The following ATL1 variants were observed in gnomAD, a reference collection of about 807,000 sequenced individuals.
ATL1 encodes atlastin-1.
Under a neutral mutation model 75.5 loss-of-function variants are expected in ATL1, and 31 were observed. The observed-to-expected ratio is 0.41, with a 90% CI of 0.31 to 0.55. The LOEUF (loss-of-function observed/expected upper bound fraction) is 0.55, where lower values mean the gene tolerates loss of function less well. Among genes scored for constraint, ATL1 ranks in the 20% least tolerant of loss-of-function variants. The pLI is 0.27. For synonymous variants in ATL1, 226 were observed against 233.3 expected (o/e 0.97, Z 0.28); for missense variants, 405 against 662.6 (o/e 0.61, Z 4.27).
In ATL1 at chr14:50,606,167, G is replaced by A. The variant is rs181377558; in HGVS notation, c.631-7092G>A. ...TTTTGGAGTCAGCATTTTATTTTGA[G>A]GCCTCAGTTTATTATTTGAAGCAGC... On this transcript the variant is annotated intron_variant, in intron 6 of 13. Coordinates refer to ENST00000358385, the MANE Select transcript of ATL1 (RefSeq NM_015915.5). Among the ~76,000 whole-genome samples the A allele has an allele frequency of 3.2e-4, 49 of 152,040 alleles. No homozygotes were observed. In the East Asian group the frequency reaches 8.5e-3, roughly 26 times the overall value.
At chr14:50,595,959 C>G (rs1178096257) in intron 6 of ATL1, among the ~76,000 whole-genome samples, 1 of 151,328 alleles carries the variant, frequency 6.6e-6, no homozygotes, top group Non-Finnish European at 1.5e-5. Context: ...GGCCCAGCCT[C>G]ATTTATGTAC....
intron 1 of ATL1, among the ~76,000 whole-genome samples, chr14:50,575,167 T>A (rs1462209454): frequency 6.6e-6 from 1 of 151,436 alleles, no homozygotes; most frequent in Non-Finnish European, 1.5e-5. Context: ...CACACACACA[T>A]ACACACACAT....
chr14:50,544,884 C>CTATGATTG (rs2038609063), intron 1 of ATL1, among the ~76,000 whole-genome samples: 1 of 137,510 alleles, frequency 7.3e-6, no homozygotes, highest in Admixed American at 8.3e-5. Flanking sequence ...CTGCAATGAG[C>CTATGATTG]TATGATTGTA....
Position 50,588,212 on chromosome 14 carries a change from G to A in ATL1, c.282+134G>A, listed in dbSNP as rs1055547045. 1.0e-5 allele frequency: 12 copies of A among 1,170,900 alleles called. No individual in the cohort carries two copies. In the Admixed American group the frequency reaches 1.7e-4, roughly 17 times the overall value. The allele number at this position is 1,170,900 out of a possible 1,614,324, so 72.5% of individuals were successfully genotyped here. A position where few individuals can be genotyped will look rare whatever the true frequency, so the allele number is the denominator to read the frequency against. On this transcript the variant is annotated intron_variant, in intron 2 of 13. Coordinates refer to ENST00000358385, the MANE Select transcript of ATL1 (RefSeq NM_015915.5). ...TATGAACCAGCTAAAGAAATGCTGT[G>A]GTGTAACCATTCCAACCTCAGTGCT...
intron 1 of ATL1, among the ~76,000 whole-genome samples, chr14:50,577,030 T>A (rs946969732): frequency 3.3e-5 from 5 of 152,228 alleles, no homozygotes; most frequent in African/African-American, 1.2e-4. Context: ...ATTGAGCACC[T>A]ACTGTGTGTA....
intron 1 of ATL1, among the ~76,000 whole-genome samples, chr14:50,543,122 T>C (rs766565761): frequency 7.2e-5 from 11 of 152,248 alleles, no homozygotes; most frequent in Non-Finnish European, 1.3e-4. Flanking sequence ...TCAGCCTCTT[T>C]ACACAGTCAC....
At position 50,574,971 on chromosome 14, in the gene ATL1, A is replaced by ATATATATATATC. The variant is rs1234160143; in HGVS notation, c.35-12855_35-12854insATATATCTATAT. ...TATATATATATATATATATATATAT[A>ATATATATATATC]TATATTAGCTTTTACTAGTTATGAT... On this transcript the variant is annotated intron_variant, in intron 1 of 13. Coordinates refer to ENST00000358385, the MANE Select transcript of ATL1 (RefSeq NM_015915.5). 3.7e-4 allele frequency among the ~76,000 whole-genome samples: 48 copies of ATATATATATATC among 129,560 alleles called. 1 individual carries two copies. Among genetic ancestry groups the ATATATATATATC allele is most frequent in the African/African-American group, 1.4e-3 (46 of 32,994 alleles). The allele number at this position is 129,560 out of a possible 152,430, so 85.0% of individuals were successfully genotyped here.
chr14:50,563,766 G>A (rs2038874530), intron 1 of ATL1, among the ~76,000 whole-genome samples: 1 of 152,216 alleles, frequency 6.6e-6, no homozygotes, highest in African/African-American at 2.4e-5. Flanking sequence ...AAACTGGGAA[G>A]CGAGTCTGAG....
chr14:50,552,942 T>A (rs1371744839), intron 1 of ATL1, among the ~76,000 whole-genome samples: 1 of 152,110 alleles, frequency 6.6e-6, no homozygotes, highest in Non-Finnish European at 1.5e-5. Context: ...CTTATAGACA[T>A]GGGCTTAGGC....
chr14:50,575,801 CACA>C (rs2039000566), intron 1 of ATL1, among the ~76,000 whole-genome samples: 1 of 151,978 alleles, frequency 6.6e-6, no homozygotes, highest in Non-Finnish European at 1.5e-5. Context: ...AATACACTTC[CACA>C]ACATTTCTAG....
At chr14:50,559,979 G>A, upstream of ATL1, 1 of 500,480 alleles carries the variant, frequency 2.0e-6, no homozygotes, top group Admixed American at 3.3e-5. Flanking sequence ...AAATGTTGCG[G>A]TACGTGGTCT....
intron 1 of ATL1, among the ~76,000 whole-genome samples, chr14:50,586,694 C>G (rs761337455): frequency 3.8e-4 from 57 of 151,920 alleles, no homozygotes; most frequent in Middle Eastern, 3.4e-3. Flanking sequence ...TGATTGCTAC[C>G]AAAGAGGCAG....
intron 4 of ATL1, among the ~76,000 whole-genome samples, chr14:50,593,585 G>T (rs1595601880): frequency 1.3e-5 from 2 of 152,166 alleles, no homozygotes; most frequent in East Asian, 3.9e-4. Flanking sequence ...CATAAATTAG[G>T]TTCATAAAAT....
chr14:50,594,926 G>A (rs1391707721), intron 5 of ATL1, among the ~76,000 whole-genome samples: 5 of 150,746 alleles, frequency 3.3e-5, no homozygotes, highest in African/African-American at 1.2e-4. Context: ...TTGAGCCAGG[G>A]AGGTCAAGGC....
intron 1 of ATL1, among the ~76,000 whole-genome samples, chr14:50,541,665 A>T (rs978817211): frequency 6.6e-6 from 1 of 152,164 alleles, no homozygotes; most frequent in Non-Finnish European, 1.5e-5. Flanking sequence ...AGGAAACTGT[A>T]TGGAGTCTCT....
chr14:50,594,162 C>G (rs909629588), intron 5 of ATL1, among the ~76,000 whole-genome samples: 1 of 152,206 alleles, frequency 6.6e-6, no homozygotes, highest in Non-Finnish European at 1.5e-5. Flanking sequence ...AAGAAGGCAC[C>G]TTCTTCACAA....
At chr14:50,612,299 G>C (rs2039373736) in intron 6 of ATL1, among the ~76,000 whole-genome samples, 2 of 152,030 alleles carry the variant, frequency 1.3e-5, no homozygotes, top group Admixed American at 1.3e-4. Context: ...TGGAGTGCTG[G>C]ATATTCTCTG....
chr14:50,542,016 A>G (rs2038569292), intron 1 of ATL1, among the ~76,000 whole-genome samples: 1 of 69,334 alleles, frequency 1.4e-5, no homozygotes, highest in Admixed American at 1.3e-4. Context: ...CAAAAAAAAA[A>G]AAAAAAAAAA....
At chr14:50,552,907 T>C (rs2038720340) in intron 1 of ATL1, among the ~76,000 whole-genome samples, 1 of 152,070 alleles carries the variant, frequency 6.6e-6, no homozygotes, top group Non-Finnish European at 1.5e-5. Flanking sequence ...CCACAAAGAT[T>C]CTAGAAGATA....
Sources: allele counts gnomAD v4.1 joint callset (sites outside exome capture counted in the v4.1 genomes callset), GRCh38; gene constraint gnomAD v4.1.1; transcripts MANE v1.5; gene names NCBI Gene and HGNC (gene_info 2026-07-23, HGNC 2026-07-21).